The following TNNI3K variants were observed in gnomAD, a reference collection of about 807,000 sequenced individuals.
TNNI3K encodes the protein TNNI3 interacting kinase.
In TNNI3K, 140 loss-of-function variants were observed where a neutral mutation model predicts 114.5. The ratio of observed to expected loss-of-function variants is 1.22; its 90% confidence interval spans 1.07 to 1.41. TNNI3K has a LOEUF of 1.41. TNNI3K is among the 40% of genes most tolerant of loss of function. The probability of loss-of-function intolerance (pLI) is 0.00; values close to 1 mark genes in which losing one functional copy is unlikely to be tolerated. For synonymous variants in TNNI3K, 347 were observed against 347.5 expected, an observed-to-expected ratio of 1.00 and a Z score of 0.02; for missense variants, 1,125 against 1,007.6, an observed-to-expected ratio of 1.12 and a Z score of -1.58.
At chr1:74,353,191 G>T in intron 9 of TNNI3K, 75 bp from the exon 10 acceptor site, 1 of 1,475,764 alleles carries the variant, frequency 6.8e-7, no homozygotes, top group Non-Finnish European at 9.3e-7. Context: ...ATTTTTCGAG[G>T]TGTAGGGGAG....
chr1:74,268,842 C>G (rs1656176102), intron 4 of TNNI3K, among the ~76,000 whole-genome samples: 1 of 151,750 alleles, frequency 6.6e-6, no homozygotes, highest in Non-Finnish European at 1.5e-5. Context: ...CTGCTTCTTC[C>G]TGGTTCTTCC....
At chr1:74,440,942 C>T (rs941867243) in intron 20 of TNNI3K, among the ~76,000 whole-genome samples, 10 of 151,934 alleles carry the variant, frequency 6.6e-5, no homozygotes, top group Non-Finnish European at 1.5e-4. Flanking sequence ...TTGCTTCATC[C>T]CCTGTGTCAA....
chr1:74,254,247 T>C (rs764724408), intron 4 of TNNI3K, among the ~76,000 whole-genome samples: 3 of 152,094 alleles, frequency 2.0e-5, no homozygotes, highest in Non-Finnish European at 2.9e-5. Context: ...AACAAGAAAA[T>C]TCACTTACAT....
chr1:74,538,436 A>G (rs1323139927), intron 23 of TNNI3K, among the ~76,000 whole-genome samples: 1 of 152,164 alleles, frequency 6.6e-6, no homozygotes, highest in Non-Finnish European at 1.5e-5. Context: ...TCTCTTATGT[A>G]CCAGGCACTG....
In TNNI3K at chr1:74,301,411, T is replaced by TG. The variant is rs201655803; in HGVS notation, c.444+29707dup. ...CAAGACTCCATCTCAAAAAAAATGATGGGGAGGGGGTTGATATAGGAAATT... is the reference window on the plus strand; with the variant it reads ...CAAGACTCCATCTCAAAAAAAATGATGGGGGAGGGGGTTGATATAGGAAATT... On this transcript the variant is annotated intron_variant, in intron 5 of 24. Coordinates refer to ENST00000326637, the MANE Select transcript of TNNI3K (RefSeq NM_015978.3). Among the ~76,000 whole-genome samples, 1,190 of 151,738 alleles carry TG rather than the reference T, an allele frequency of 7.8e-3. 6 individuals are homozygous for TG. Among genetic ancestry groups the TG allele is most frequent in the Non-Finnish European group, 0.01 (710 of 67,868 alleles).
At position 74,446,366 on chromosome 1, in the gene TNNI3K, C is replaced by T. The variant is rs1427497768; in HGVS notation, c.2011+6744C>T. On this transcript the variant is annotated intron_variant, in intron 20 of 24. Coordinates refer to ENST00000326637, the MANE Select transcript of TNNI3K (RefSeq NM_015978.3). ...TTGAGAAGTGTCTGTTCATGTCCTT[C>T]GCCCACTTTTTGATGGGGTTGTTTG... Among the ~76,000 whole-genome samples, 176 of 148,718 alleles carry T rather than the reference C, an allele frequency of 1.2e-3. 1 individual carries two copies. Among genetic ancestry groups the T allele is most frequent in the Non-Finnish European group, 1.4e-3 (94 of 67,156 alleles).
intron 23 of TNNI3K, among the ~76,000 whole-genome samples, chr1:74,518,946 T>C (rs1278769201): frequency 9.2e-6 from 1 of 109,240 alleles, no homozygotes; most frequent in African/African-American, 5.1e-5. Context: ...GTTAGTTACA[T>C]ATGTATACAT....
chr1:74,349,985 G>C (rs1330917344), intron 9 of TNNI3K, among the ~76,000 whole-genome samples: 1 of 152,120 alleles, frequency 6.6e-6, no homozygotes, highest in African/African-American at 2.4e-5. Context: ...GTTCTGCTCT[G>C]ATCTTAGTTA....
chr1:74,236,078 A>G (rs1463551928), intron 1 of TNNI3K, 24 bp from the exon 2 acceptor site: 8 of 1,590,250 alleles, frequency 5.0e-6, no homozygotes, highest in East Asian at 2.3e-5. Flanking sequence ...CTATGAATCA[A>G]TCTCATTTGT....
At chr1:74,446,658 G>T (rs1032425702) in intron 20 of TNNI3K, among the ~76,000 whole-genome samples, 2 of 149,782 alleles carry the variant, frequency 1.3e-5, no homozygotes, top group Non-Finnish European at 2.9e-5. Flanking sequence ...TTCTTCTAGG[G>T]TTTTTATGGT....
intron 21 of TNNI3K, chr1:74,480,825 G>A: frequency 1.4e-6 from 1 of 717,596 alleles, no homozygotes; most frequent in African/African-American, 1.7e-5. Context: ...GTAAGCCCAT[G>A]CAGGGCATCT....
intron 9 of TNNI3K, among the ~76,000 whole-genome samples, chr1:74,349,841 G>T (rs183816818): frequency 2.0e-5 from 3 of 152,084 alleles, no homozygotes; most frequent in East Asian, 3.9e-4. Context: ...TTTTTATTGC[G>T]TCTATTTGAT....
At chr1:74,352,809 T>A (rs943185439) in intron 9 of TNNI3K, among the ~76,000 whole-genome samples, 1 of 151,692 alleles carries the variant, frequency 6.6e-6, no homozygotes, top group East Asian at 2.0e-4. Context: ...TTGTTAAGCC[T>A]GTTGGAAAAG....
chr1:74,479,258 TAAG>T (rs1668357651), intron 21 of TNNI3K, among the ~76,000 whole-genome samples: 1 of 152,194 alleles, frequency 6.6e-6, no homozygotes, highest in Admixed American at 6.5e-5. Context: ...CTAGATAACT[TAAG>T]AAATCTCATG....
chr1:74,456,352 G>A (rs1557577799), intron 20 of TNNI3K, among the ~76,000 whole-genome samples: 1 of 152,092 alleles, frequency 6.6e-6, no homozygotes, highest in Non-Finnish European at 1.5e-5. Flanking sequence ...AGGAGAAGGA[G>A]CCAAGGTGTG....
At chr1:74,341,759 C>A (rs1277962161) in intron 7 of TNNI3K, 3 of 152,068 alleles carry the variant, frequency 2.0e-5, no homozygotes, top group Admixed American at 6.6e-5. Flanking sequence ...AGATGCACTG[C>A]CACCCTTGCT....
chr1:74,386,449 A>G (rs1663483986), intron 17 of TNNI3K, among the ~76,000 whole-genome samples: 1 of 152,216 alleles, frequency 6.6e-6, no homozygotes, highest in South Asian at 2.1e-4. Flanking sequence ...CTTTTATAAA[A>G]TATCATTTAT....
chr1:74,344,325 C>T (rs929920158), intron 9 of TNNI3K, among the ~76,000 whole-genome samples: 1 of 152,188 alleles, frequency 6.6e-6, no homozygotes, highest in African/African-American at 2.4e-5. Context: ...TTTATTATCT[C>T]TCTTTTACAG....
chr1:74,437,259 C>T (rs948398967), intron 19 of TNNI3K, among the ~76,000 whole-genome samples: 2 of 152,074 alleles, frequency 1.3e-5, no homozygotes, highest in African/African-American at 2.4e-5. Flanking sequence ...TTCAGATTCT[C>T]GTCACTTCTT....
Sources: allele counts gnomAD v4.1 joint callset (sites outside exome capture counted in the v4.1 genomes callset), GRCh38; gene constraint gnomAD v4.1.1; transcripts MANE v1.5; gene names NCBI Gene and HGNC (gene_info 2026-07-23, HGNC 2026-07-21).